Variants in DSCAM observed in about 807,000 individuals in gnomAD.
The protein encoded by DSCAM is cell adhesion molecule DSCAM.
A neutral mutation model predicts 217.7 loss-of-function variants in DSCAM; 47 were observed. The ratio of observed to expected loss-of-function variants is 0.22; its 90% CI spans 0.17 to 0.28. The LOEUF is 0.28. DSCAM is among the 10% of genes least tolerant of loss of function. The pLI is 1.00. For missense variants in DSCAM, 2,080 were observed against 2,618.3 expected (o/e 0.79, Z 4.49); for synonymous variants, 1,056 against 1,015.3 (o/e 1.04, Z -0.76).
intron 10 of DSCAM, among the ~76,000 whole-genome samples, chr21:40,292,038 C>G (rs1358155804): frequency 6.7e-6 from 1 of 149,690 alleles, no homozygotes; most frequent in Non-Finnish European, 1.5e-5. Context: ...ACAGGTGAGA[C>G]CCACCTCAGA....
At chr21:40,052,459 C>T (rs1168488347) in intron 29 of DSCAM, among the ~76,000 whole-genome samples, 1 of 152,196 alleles carries the variant, frequency 6.6e-6, no homozygotes, top group Admixed American at 6.5e-5. Context: ...GAGACATCAT[C>T]TGCGATGCCA....
chr21:40,018,604 A>G (rs2088206990), intron 32 of DSCAM, among the ~76,000 whole-genome samples: 1 of 152,214 alleles, frequency 6.6e-6, no homozygotes, highest in South Asian at 2.1e-4. Context: ...AAGTAATAGC[A>G]TTGTGGTCCC....
chr21:40,703,312 TA>T (rs1478037961), intron 2 of DSCAM, among the ~76,000 whole-genome samples: 2 of 152,158 alleles, frequency 1.3e-5, no homozygotes, highest in African/African-American at 2.4e-5. Context: ...GCCCAGGAGT[TA>T]GCGACCATCC....
intron 4 of DSCAM, among the ~76,000 whole-genome samples, chr21:40,356,365 GAT>G (rs2074693074): frequency 6.9e-6 from 1 of 145,220 alleles, no homozygotes. Context: ...TGAGGCAATA[GAT>G]ATGTTATTTT....
At chr21:40,569,934 C>T (rs1301665591) in intron 3 of DSCAM, among the ~76,000 whole-genome samples, 2 of 151,798 alleles carry the variant, frequency 1.3e-5, no homozygotes, top group East Asian at 3.9e-4. Context: ...GTGGTATGAA[C>T]GTAAGGAAGC....
intron 3 of DSCAM, among the ~76,000 whole-genome samples, chr21:40,607,921 A>G (rs1280184695): frequency 2.0e-5 from 3 of 152,224 alleles, no homozygotes; most frequent in Non-Finnish European, 4.4e-5. Context: ...CATAGGTGCC[A>G]CTTTGGATGG....
chr21:40,786,916 C>A (rs7279656), intron 1 of DSCAM, among the ~76,000 whole-genome samples: 30,491 of 152,034 alleles, frequency 0.2, 3,832 homozygotes, highest in African/African-American at 0.36. Flanking sequence ...GAATCTGAAA[C>A]TCAGAGAGGC....
At chr21:40,569,250 C>T (rs560487678) in intron 3 of DSCAM, among the ~76,000 whole-genome samples, 33 of 152,174 alleles carry the variant, frequency 2.2e-4, no homozygotes, top group Non-Finnish European at 4.3e-4. Flanking sequence ...GGAATAGACC[C>T]TTACTCTTGT....
chr21:40,651,195 C>G (rs963105145), intron 3 of DSCAM, among the ~76,000 whole-genome samples: 1 of 152,138 alleles, frequency 6.6e-6, no homozygotes, highest in South Asian at 2.1e-4. Context: ...GGCCCTGTCT[C>G]CTGGGGTGGA....
chr21:40,548,005 T>C (rs1331210158), intron 3 of DSCAM, among the ~76,000 whole-genome samples: 3 of 152,104 alleles, frequency 2.0e-5, no homozygotes, highest in African/African-American at 4.8e-5. Flanking sequence ...ATATGGTGTC[T>C]CCAATTTTTT....
intron 16 of DSCAM, among the ~76,000 whole-genome samples, chr21:40,160,025 C>T (rs1278257894): frequency 6.6e-6 from 1 of 152,214 alleles, no homozygotes; most frequent in Non-Finnish European, 1.5e-5. Flanking sequence ...GCGGAATCAG[C>T]ATCTAGGATA....
At chr21:40,286,973 T>C (rs571506144) in intron 10 of DSCAM, among the ~76,000 whole-genome samples, 5 of 151,522 alleles carry the variant, frequency 3.3e-5, no homozygotes, top group East Asian at 3.9e-4. Context: ...TGCAGTGTGA[T>C]TGCAGTGTGA....
chr21:40,800,622 T>C (rs762218725), intron 1 of DSCAM, among the ~76,000 whole-genome samples: 34 of 152,222 alleles, frequency 2.2e-4, no homozygotes, highest in Middle Eastern at 3.4e-3. Flanking sequence ...TTGAAGCGTG[T>C]CCCTGCCCAA....
intron 3 of DSCAM, among the ~76,000 whole-genome samples, chr21:40,463,834 C>T (rs768601126): frequency 6.6e-6 from 1 of 152,192 alleles, no homozygotes; most frequent in Non-Finnish European, 1.5e-5. Flanking sequence ...CCTAGACACC[C>T]ATCCCGCAAC....
intron 11 of DSCAM, among the ~76,000 whole-genome samples, chr21:40,212,947 G>T (rs534887321): frequency 5.8e-4 from 88 of 152,332 alleles, no homozygotes; most frequent in Middle Eastern, 3.4e-3. Flanking sequence ...AGGCTCAGCA[G>T]TGTGAAGGGT....
intron 11 of DSCAM, among the ~76,000 whole-genome samples, chr21:40,212,190 G>A (rs34442259): frequency 5.9e-5 from 9 of 151,988 alleles, no homozygotes; most frequent in Non-Finnish European, 5.9e-5. Context: ...GGCTGATCTC[G>A]AATTCCTGAC....
chr21:40,763,552 T>C (rs944182775), intron 1 of DSCAM, among the ~76,000 whole-genome samples: 4 of 152,230 alleles, frequency 2.6e-5, no homozygotes, highest in Admixed American at 2.0e-4. Context: ...GCTATTCTCA[T>C]CAAGCTAACA....
intron 27 of DSCAM, among the ~76,000 whole-genome samples, chr21:40,068,216 A>C (rs547089652): frequency 6.6e-6 from 1 of 152,300 alleles, no homozygotes; most frequent in African/African-American, 2.4e-5. Context: ...ATGATGGCTG[A>C]AAGGATAATT....
chr21:40,104,893 G>T (rs567014919), intron 20 of DSCAM, among the ~76,000 whole-genome samples: 1 of 152,234 alleles, frequency 6.6e-6, no homozygotes, highest in Non-Finnish European at 1.5e-5. Flanking sequence ...AGGCATTTTA[G>T]CCTGTGGATA....
Sources: allele counts gnomAD v4.1 joint callset (sites outside exome capture counted in the v4.1 genomes callset), GRCh38; gene constraint gnomAD v4.1.1; transcripts MANE v1.5; gene names NCBI Gene and HGNC (gene_info 2026-07-23, HGNC 2026-07-21).